The following PPM1H variants were observed in gnomAD, a reference collection of about 807,000 sequenced individuals.
The protein encoded by PPM1H is protein phosphatase, Mg2+/Mn2+ dependent 1H.
Under a neutral mutation model 54.9 loss-of-function variants are expected in PPM1H, and 27 were observed. That is an observed-to-expected ratio of 0.49 (90% CI 0.36 to 0.68). The LOEUF is 0.68. PPM1H is among the 30% of genes least tolerant of loss of function. The pLI, the probability that PPM1H is intolerant of heterozygous loss-of-function variation, is 0.00. For synonymous variants in PPM1H, 305 were observed against 270.8 expected (o/e 1.13, Z -1.24); for missense variants, 596 against 667.8 (o/e 0.89, Z 1.19).
rs1016556849 is a variant in PPM1H at position 62,673,766 on chromosome 12, C to T, written c.1246-6437G>A. 8.2e-5 allele frequency among the ~76,000 whole-genome samples: 8 copies of T among 97,826 alleles called. 1 individual carries two copies. In the East Asian group the frequency reaches 9.1e-4, roughly 11 times the overall value. The allele number at this position is 97,826 out of a possible 152,430, so 64.2% of individuals were successfully genotyped here. ...TTTGAGACAGGGTCTTGCTGTGTCG[C>T]GCAGGCTGGAGTGCTGTGGCACAAT... On this transcript the variant is annotated intron_variant, in intron 8 of 9. Coordinates refer to ENST00000228705, the MANE Select transcript of PPM1H (RefSeq NM_020700.2).
In PPM1H at chr12:62,647,462, C is replaced by T. The variant is rs2075792447; in HGVS notation, c.*1027G>A. ...GAATCCAAAATGGTCCCCAGATGAG[C>T]CATGGTGAACCAACAGATGCAAGCA... On this transcript the variant is annotated 3_prime_UTR_variant, in exon 10 of 10. Transcript: ENST00000228705. The T allele has an allele frequency of 6.6e-6, 1 of 152,234 alleles. No individual in the cohort carries two copies. The highest frequency in any genetic ancestry group is 6.5e-5 in the Admixed American group (1 of 15,280). 9.4% of individuals were successfully genotyped at this position (152,234 alleles called of 1,614,324 possible).
At chr12:62,789,014 C>T (rs2076689381) in intron 3 of PPM1H, among the ~76,000 whole-genome samples, 1 of 151,418 alleles carries the variant, frequency 6.6e-6, no homozygotes, top group Non-Finnish European at 1.5e-5. Context: ...GCATGAGCCA[C>T]TGCGCCCAGC....
At chr12:62,827,459 TCC>T (rs1868303171) in intron 2 of PPM1H, among the ~76,000 whole-genome samples, 1 of 152,176 alleles carries the variant, frequency 6.6e-6, no homozygotes, top group South Asian at 2.1e-4. Context: ...AGGTTTGGAC[TCC>T]TGGCCTTCCC....
At chr12:62,797,306 G>C (rs1488917292) in intron 3 of PPM1H, among the ~76,000 whole-genome samples, 2 of 152,188 alleles carry the variant, frequency 1.3e-5, no homozygotes, top group African/African-American at 4.8e-5. Flanking sequence ...TTAGGTGCAA[G>C]GCTTGGGGAA....
chr12:62,819,783 G>A (rs1326967934), intron 2 of PPM1H, among the ~76,000 whole-genome samples: 1 of 152,206 alleles, frequency 6.6e-6, no homozygotes, highest in Non-Finnish European at 1.5e-5. Context: ...AGGTGCCACT[G>A]TCAAGAGCTC....
chr12:62,841,643 A>T (rs889765825), intron 1 of PPM1H, among the ~76,000 whole-genome samples: 10 of 152,248 alleles, frequency 6.6e-5, no homozygotes, highest in African/African-American at 2.4e-4. Flanking sequence ...AGTTACACGT[A>T]ATACATAGGT....
rs1488230187 is a variant in PPM1H at position 62,866,732 on chromosome 12, C to T, written c.246-34453G>A. Reference sequence around the variant, plus strand: ...TACCCAGATAAGCCGCTCCCAGATTCCTGACCCACAGAAACAGTGTGACAT... The same window carrying T: ...TACCCAGATAAGCCGCTCCCAGATTTCTGACCCACAGAAACAGTGTGACAT... On this transcript the variant is annotated intron_variant, in intron 1 of 9. Coordinates refer to ENST00000228705, the MANE Select transcript of PPM1H (RefSeq NM_020700.2). Among the ~76,000 whole-genome samples, 4 of 152,124 alleles carry T rather than the reference C, an allele frequency of 2.6e-5. No individual in the cohort carries two copies. In the East Asian group the frequency reaches 7.7e-4, roughly 29 times the overall value.
chr12:62,671,802 G>A (rs1477826132), intron 8 of PPM1H, among the ~76,000 whole-genome samples: 1 of 152,178 alleles, frequency 6.6e-6, no homozygotes, highest in South Asian at 2.1e-4. Context: ...GGCTGAGAAA[G>A]GTGGGTGTCA....
At chr12:62,705,929 A>G (rs1295822462) in intron 6 of PPM1H, among the ~76,000 whole-genome samples, 1 of 152,198 alleles carries the variant, frequency 6.6e-6, no homozygotes, top group African/African-American at 2.4e-5. Flanking sequence ...AATTACAAAG[A>G]GGGTTTCTGC....
intron 4 of PPM1H, among the ~76,000 whole-genome samples, chr12:62,748,895 G>A (rs1366595504): frequency 6.6e-6 from 1 of 152,168 alleles, no homozygotes. Context: ...ATAACAAAAA[G>A]GGTCAGAATC....
intron 4 of PPM1H, among the ~76,000 whole-genome samples, chr12:62,774,364 C>T (rs1592592755): frequency 6.6e-6 from 1 of 151,978 alleles, no homozygotes; most frequent in African/African-American, 2.4e-5. Flanking sequence ...TCTTTCTTTC[C>T]TTTTTTGAGA....
chr12:62,805,740 G>A (rs1325755100), intron 2 of PPM1H, among the ~76,000 whole-genome samples: 2 of 152,166 alleles, frequency 1.3e-5, no homozygotes, highest in African/African-American at 4.8e-5. Flanking sequence ...CAAAGTTTCA[G>A]GTATAAAATG....
intron 1 of PPM1H, among the ~76,000 whole-genome samples, chr12:62,860,904 T>G (rs1446062516): frequency 3.3e-5 from 5 of 152,204 alleles, no homozygotes; most frequent in Non-Finnish European, 7.3e-5. Flanking sequence ...CTGCACTGTC[T>G]CTTATTTCGT....
chr12:62,726,806 T>G (rs1255394448), intron 5 of PPM1H, among the ~76,000 whole-genome samples: 1 of 152,238 alleles, frequency 6.6e-6, no homozygotes, highest in Non-Finnish European at 1.5e-5. Context: ...CAAGTCAGCA[T>G]TCTGGAGTCC....
At chr12:62,696,636 T>G (rs1479132615) in intron 6 of PPM1H, among the ~76,000 whole-genome samples, 1 of 152,222 alleles carries the variant, frequency 6.6e-6, no homozygotes, top group Non-Finnish European at 1.5e-5. Context: ...AGAGTCTGTA[T>G]AAATTAATAA....
intron 2 of PPM1H, among the ~76,000 whole-genome samples, chr12:62,809,470 T>C (rs2076823203): frequency 6.6e-6 from 1 of 152,144 alleles, no homozygotes; most frequent in Non-Finnish European, 1.5e-5. Flanking sequence ...GTCAGATCTG[T>C]GAACATGAAG....
At chr12:62,780,050 G>T (rs114970080) in intron 4 of PPM1H, among the ~76,000 whole-genome samples, 1 of 152,250 alleles carries the variant, frequency 6.6e-6, no homozygotes, top group Admixed American at 6.5e-5. Context: ...TTGATGTTAG[G>T]ATTAATGAGG....
chr12:62,842,308 CG>C (rs1217255337), intron 1 of PPM1H, among the ~76,000 whole-genome samples: 2 of 151,738 alleles, frequency 1.3e-5, no homozygotes, highest in African/African-American at 4.9e-5. Flanking sequence ...TCAGTACTAT[CG>C]GCAATGTGAG....
chr12:62,865,091 T>G (rs914155125), intron 1 of PPM1H, among the ~76,000 whole-genome samples: 4 of 152,108 alleles, frequency 2.6e-5, no homozygotes, highest in Non-Finnish European at 4.4e-5. Flanking sequence ...CTGTGGATAA[T>G]TATTTTTCCT....
Sources: allele counts gnomAD v4.1 joint callset (sites outside exome capture counted in the v4.1 genomes callset), GRCh38; gene constraint gnomAD v4.1.1; transcripts MANE v1.5; gene names NCBI Gene and HGNC (gene_info 2026-07-23, HGNC 2026-07-21).